Variants in MAGOHB observed in about 807,000 individuals in gnomAD.
MAGOHB encodes mago homolog B, exon junction complex subunit.
In MAGOHB, 15 loss-of-function variants were observed where a neutral mutation model predicts 20.9. The observed-to-expected ratio is 0.72, with a 90% CI of 0.48 to 1.11. The LOEUF (loss-of-function observed/expected upper bound fraction) is 1.11. Among genes scored for constraint, MAGOHB ranks in the 50% least tolerant of loss-of-function variants. The pLI, the probability that MAGOHB is intolerant of heterozygous loss-of-function variation, is 0.00. For missense variants in MAGOHB, 162 were observed against 177.6 expected (o/e 0.91, Z 0.50); for synonymous variants, 50 against 57.9 (o/e 0.86, Z 0.62).
chr12:10,610,528 G>C (rs1470104645), intron 2 of MAGOHB, 94 bp downstream of exon 2: 7 of 1,327,034 alleles, frequency 5.3e-6, no homozygotes, highest in Non-Finnish European at 5.9e-6. Flanking sequence ...TATAGCCTTA[G>C]ATGTACTTTT....
At chr12:10,603,905 A>G (rs1275149250), downstream of MAGOHB, among the ~76,000 whole-genome samples, 1 of 152,240 alleles carries the variant, frequency 6.6e-6, no homozygotes. Context: ...AGGTTCACAC[A>G]TTTCAAATCA....
At position 10,604,871 on chromosome 12, in the gene MAGOHB, C is replaced by G. The variant is rs1466436036; in HGVS notation, c.*1404G>C. On this transcript the variant is annotated 3_prime_UTR_variant, in exon 5 of 5. Coordinates refer to ENST00000320756, the MANE Select transcript of MAGOHB (RefSeq NM_018048.5). ...TAGTGCTCCATGGCAAACAGGTTACCAAGCCATGCTCTAGAGCTATACTGT... is the reference window on the plus strand; with the variant it reads ...TAGTGCTCCATGGCAAACAGGTTACGAAGCCATGCTCTAGAGCTATACTGT... 1 of 152,100 alleles carries G rather than the reference C, an allele frequency of 6.6e-6. No homozygotes were observed. The highest frequency in any genetic ancestry group is 6.5e-5 in the Admixed American group (1 of 15,268). The allele number at this position is 152,100 out of a possible 1,614,324, so 9.4% of individuals were successfully genotyped here.
chr12:10,613,360 C>T, intron 1 of MAGOHB, 79 bp downstream of exon 1: 1 of 1,274,200 alleles, frequency 7.8e-7, no homozygotes, highest in Non-Finnish European at 1.1e-6. Flanking sequence ...TGGCCTCCGC[C>T]GCCTGTACCC....
chr12:10,613,473 C>G lies in MAGOHB; in HGVS notation c.60G>C (p.Gly20=). Residue 20 remains glycine (G), a synonymous_variant, in exon 1 of 5, where the codon GGG becomes GGC. Coordinates refer to ENST00000320756, the MANE Select transcript of MAGOHB (RefSeq NM_018048.5). The part of the protein sequence containing the change: ...RYYVGHKGKF[G]HEFLEFEFRP... The stretch of plus-strand genomic sequence containing the variant: ...GAAATTCGAACTCCAGAAACTCGTG[C>G]CCAAACTTGCCCTTGTGCCCTACGT... The G allele has an allele frequency of 6.2e-7, 1 of 1,614,148 alleles. No individual in the cohort carries two copies. Among genetic ancestry groups the G allele is most frequent in the Non-Finnish European group, 8.5e-7 (1 of 1,180,020 alleles).
Position 10,610,400 on chromosome 12 carries a change from G to A in MAGOHB, c.153+222C>T, listed in dbSNP as rs149674143. Among the ~76,000 whole-genome samples, 678 of 152,034 alleles carry A rather than the reference G, an allele frequency of 4.5e-3. 8 individuals are homozygous for A. The highest frequency in any genetic ancestry group is 0.015 in the African/African-American group (615 of 41,494). On this transcript the variant is annotated intron_variant, in intron 2 of 4. Transcript: ENST00000320756. Reference sequence around the variant, plus strand: ...TCCCTAAATCAATAAATCAATAAATGCAAGTGTAGTTCACGTCAAGGTTAG... The same window carrying A: ...TCCCTAAATCAATAAATCAATAAATACAAGTGTAGTTCACGTCAAGGTTAG...
intron 1 of MAGOHB, chr12:10,612,787 T>C: frequency 2.3e-6 from 3 of 1,282,576 alleles, no homozygotes; most frequent in Non-Finnish European, 3.0e-6. Flanking sequence ...AAACACACTG[T>C]TGCACACTAC....
At chr12:10,603,313 CAAAA>C (rs11296285), downstream of MAGOHB, among the ~76,000 whole-genome samples, 2,185 of 75,156 alleles carry the variant, frequency 0.029, 72 homozygotes, top group African/African-American at 0.094. Flanking sequence ...GACTCCGTCT[CAAAA>C]AAAAAAAAAA....
In MAGOHB at chr12:10,604,386, T is replaced by C. The variant is rs1240933133; in HGVS notation, c.*1889A>G. On this transcript the variant is annotated 3_prime_UTR_variant, in exon 5 of 5. Coordinates refer to ENST00000320756, the MANE Select transcript of MAGOHB (RefSeq NM_018048.5). ...ATTGTAGACGGTAATATTTTCCTAA[T>C]GACCTAGTCTCCCATCTTGGTTTAA... The C allele has an allele frequency of 2.0e-5, 3 of 152,222 alleles. No individual in the cohort carries two copies. Among genetic ancestry groups the C allele is most frequent in the Non-Finnish European group, 4.4e-5 (3 of 68,030 alleles). The allele number at this position is 152,222 out of a possible 1,614,324, so 9.4% of individuals were successfully genotyped here. A position where few individuals can be genotyped will look rare whatever the true frequency, so the allele number is the denominator to read the frequency against.
At chr12:10,610,575 TGCAAAAAAAAA>T (rs1339434777) in intron 2 of MAGOHB, 36 bp downstream of exon 2, 298 of 1,204,142 alleles carry the variant, frequency 2.5e-4, no homozygotes, top group East Asian at 7.9e-4. Context: ...ATGGGCTAAA[TGCAAAAAAAAA>T]AAAAAAAAAA....
chr12:10,613,313 TCTATTCTTAAGCTC>T (rs1865784940), intron 1 of MAGOHB, 112 bp downstream of exon 1: 5 of 804,226 alleles, frequency 6.2e-6, no homozygotes, highest in Admixed American at 2.1e-5. Flanking sequence ...TTATGCCTCC[TCTATTCTTAAGCTC>T]CTATTTCCTT....
chr12:10,603,282 C>G (rs367616686), downstream of MAGOHB, among the ~76,000 whole-genome samples: 2 of 146,678 alleles, frequency 1.4e-5, no homozygotes, highest in South Asian at 2.1e-4. Context: ...CCGCTGCACT[C>G]CAGCCTGGGT....
chr12:10,610,556 T>A, intron 2 of MAGOHB, 66 bp downstream of exon 2: 1 of 1,423,204 alleles, frequency 7.0e-7, no homozygotes. Flanking sequence ...CAACACAGAC[T>A]TGAAGAAAAT....
At chr12:10,600,812 G>A (rs568978550), downstream of MAGOHB, among the ~76,000 whole-genome samples, 1 of 152,260 alleles carries the variant, frequency 6.6e-6, no homozygotes, top group African/African-American at 2.4e-5. Flanking sequence ...AACTTAAATT[G>A]TTCAAATCAG....
At chr12:10,612,061 A>G (rs923851809) in intron 1 of MAGOHB, among the ~76,000 whole-genome samples, 3 of 152,104 alleles carry the variant, frequency 2.0e-5, no homozygotes, top group South Asian at 2.1e-4. Context: ...GTTTCTAAAT[A>G]ATTGCAGGGC....
Position 10,605,204 on chromosome 12 carries a change from T to G in MAGOHB, c.*1071A>C, listed in dbSNP as rs1023363787. The G allele has an allele frequency of 3.3e-5, 5 of 152,186 alleles. No individual in the cohort carries two copies. Among genetic ancestry groups the G allele is most frequent in the African/African-American group, 7.2e-5 (3 of 41,444 alleles). 9.4% of individuals were successfully genotyped at this position (152,186 alleles called of 1,614,324 possible). A position where few individuals can be genotyped will look rare whatever the true frequency, so the allele number is the denominator to read the frequency against. On this transcript the variant is annotated 3_prime_UTR_variant, in exon 5 of 5. Transcript: ENST00000320756. ...ACCTCAAGTAATCAGTAGGCCTCAT[T>G]TGGCCAGTTGCTACCCTATTGGACT...
intron 3 of MAGOHB, chr12:10,608,273 T>C (rs1865664770): frequency 1.1e-5 from 2 of 185,554 alleles, no homozygotes; most frequent in Non-Finnish European, 2.2e-5. Flanking sequence ...GTAAAAATGA[T>C]TGGAGTATAA....
chr12:10,608,271 G>T (rs1020432818), intron 3 of MAGOHB: 2 of 185,210 alleles, frequency 1.1e-5, no homozygotes, highest in African/African-American at 2.4e-5. Context: ...TTGTAAAAAT[G>T]ATTGGAGTAT....
chr12:10,611,191 C>T (rs1865727682), intron 1 of MAGOHB, among the ~76,000 whole-genome samples: 1 of 152,156 alleles, frequency 6.6e-6, no homozygotes, highest in African/African-American at 2.4e-5. Context: ...CCCCACTACA[C>T]CAAAATGTTC....
chr12:10,599,945 G>T (rs1865538670), downstream of MAGOHB, among the ~76,000 whole-genome samples: 1 of 152,110 alleles, frequency 6.6e-6, no homozygotes, highest in African/African-American at 2.4e-5. Context: ...AAATGTCTAT[G>T]TATAAAAATA....
Sources: allele counts gnomAD v4.1 joint callset (sites outside exome capture counted in the v4.1 genomes callset), GRCh38; gene constraint gnomAD v4.1.1; transcripts MANE v1.5; gene names NCBI Gene and HGNC (gene_info 2026-07-23, HGNC 2026-07-21).